LRRC1: variants seen among roughly 807,000 people sequenced by gnomAD.
The protein encoded by LRRC1 is leucine-rich repeat-containing protein 1.
In LRRC1, 28 loss-of-function variants were observed where a neutral mutation model predicts 69.9. That is an observed-to-expected ratio of 0.40 (90% confidence interval 0.30 to 0.55). LRRC1 has a LOEUF of 0.55. Among genes scored for constraint, LRRC1 ranks in the 20% least tolerant of loss-of-function variants. The pLI is 0.47. For missense variants in LRRC1, 498 were observed against 609.0 expected (o/e 0.82, Z 1.92); for synonymous variants, 236 against 240.2 (o/e 0.98, Z 0.16).
intron 2 of LRRC1, among the ~76,000 whole-genome samples, chr6:53,864,630 A>G (rs1581884177): frequency 6.6e-6 from 1 of 152,262 alleles, no homozygotes; most frequent in East Asian, 1.9e-4. Context: ...ATCTATCTCA[A>G]TACTTGTGGC....
chr6:53,896,807 C>T (rs1203238962), intron 5 of LRRC1, 22 bp from the exon 6 acceptor site: 1 of 1,511,616 alleles, frequency 6.6e-7, no homozygotes, highest in Non-Finnish European at 9.2e-7. Flanking sequence ...TCTAAGTGCT[C>T]TTTATTTATT....
At chr6:53,880,413 A>G (rs1767251619) in intron 3 of LRRC1, among the ~76,000 whole-genome samples, 2 of 152,148 alleles carry the variant, frequency 1.3e-5, no homozygotes, top group East Asian at 3.9e-4. Context: ...CTATAAGATA[A>G]AGTCAGAGCT....
chr6:53,906,945 A>G (rs959874155), intron 10 of LRRC1, among the ~76,000 whole-genome samples: 13 of 152,216 alleles, frequency 8.5e-5, no homozygotes, highest in Non-Finnish European at 1.9e-4. Context: ...CATGTCTCCA[A>G]TTCTCCCTCG....
chr6:53,859,433 A>G (rs1028961845), intron 2 of LRRC1, among the ~76,000 whole-genome samples: 1 of 152,220 alleles, frequency 6.6e-6, no homozygotes, highest in Admixed American at 6.5e-5. Context: ...AAGAAAATTC[A>G]TGCAACTCTA....
intron 4 of LRRC1, among the ~76,000 whole-genome samples, chr6:53,887,081 G>C (rs1238828730): frequency 6.6e-6 from 1 of 152,022 alleles, no homozygotes; most frequent in Non-Finnish European, 1.5e-5. Flanking sequence ...CTCAGGTTCT[G>C]GAAGATTTAT....
At chr6:53,909,999 C>T (rs937354114) in intron 10 of LRRC1, among the ~76,000 whole-genome samples, 2 of 152,134 alleles carry the variant, frequency 1.3e-5, no homozygotes, top group Admixed American at 1.3e-4. Context: ...CTCATGATCT[C>T]CTCCTTGGGT....
chr6:53,868,219 T>C (rs1766770727), intron 2 of LRRC1, among the ~76,000 whole-genome samples: 1 of 147,298 alleles, frequency 6.8e-6, no homozygotes, highest in African/African-American at 2.5e-5. Flanking sequence ...TTGGTAATGC[T>C]ACTCTTTTTT....
At chr6:53,906,681 G>C (rs1259280634) in intron 10 of LRRC1, among the ~76,000 whole-genome samples, 1 of 152,210 alleles carries the variant, frequency 6.6e-6, no homozygotes, top group Admixed American at 6.5e-5. Context: ...TACTAGAACA[G>C]TTTTTCATGA....
At chr6:53,797,120 C>T (rs1764323977) in intron 1 of LRRC1, among the ~76,000 whole-genome samples, 1 of 151,424 alleles carries the variant, frequency 6.6e-6, no homozygotes, top group South Asian at 2.1e-4. Flanking sequence ...GTGGGTTTTC[C>T]TGTAATGTTG....
intron 1 of LRRC1, among the ~76,000 whole-genome samples, chr6:53,818,173 T>G (rs9367542): frequency 0.63 from 95,145 of 152,076 alleles, 30,088 homozygotes; most frequent in East Asian, 0.9. Flanking sequence ...AATGCTTGTA[T>G]ACACACAGGC....
rs75877769 is a variant in LRRC1, at chr6:53,912,134, G to A, written c.991-1720G>A. On this transcript the variant is annotated intron_variant, in intron 10 of 13. Transcript: ENST00000370888. ...GTGGGCAGAGAGGCTATGCATGGTG[G>A]GTAGATAGCGTGAATACTATACTTG... is the stretch of plus-strand genomic sequence containing the variant. 2.0e-3 allele frequency among the ~76,000 whole-genome samples: 301 copies of A among 152,282 alleles called. 4 individuals carry two copies. The East Asian group carries it at 0.041, about 21-fold the overall frequency.
At position 53,795,393 on chromosome 6, in the gene LRRC1, A is replaced by G. The variant is rs746104594; in HGVS notation, c.137A>G (p.Asn46Ser). Residue 46 changes from asparagine to serine, a missense_variant, in exon 1 of 14, where the codon AAC becomes AGC. Physicochemically the swap from Asn to Ser is conservative, Grantham distance 46. Around this residue, in one of 3 missense-constraint regions of LRRC1, gnomAD observed 70 missense variants for 62.1 expected, o/e 1.13. Coordinates refer to ENST00000370888, the MANE Select transcript of LRRC1 (RefSeq NM_018214.5). ...RSLEELLLDA[N>S]QLRELPEQFF... Reference sequence around the variant, plus strand: ...CTGGAGGAGCTGCTGCTGGACGCCAACCAGCTCCGCGAGCTGCCCGAGGTA... The same window carrying G: ...CTGGAGGAGCTGCTGCTGGACGCCAGCCAGCTCCGCGAGCTGCCCGAGGTA... 4 of 1,613,006 alleles carry G rather than the reference A, an allele frequency of 2.5e-6. No individual in the cohort carries two copies. The highest frequency in any genetic ancestry group is 3.4e-6 in the Non-Finnish European group (4 of 1,179,910).
chr6:53,879,085 T>A lies in LRRC1; in HGVS notation c.356+14T>A, dbSNP rs764531379. On this transcript the variant is annotated intron_variant, in intron 3 of 13. Transcript: ENST00000370888. ...CCCACTGACTAGGTAAGCTTTCTGC[T>A]TACTTTTCTGTCTATACTAGTAAGA... is the stretch of plus-strand genomic sequence containing the variant. 1.9e-6 allele frequency: 3 copies of A among 1,595,492 alleles called. No individual in the cohort carries two copies. Among genetic ancestry groups the A allele is most frequent in the Non-Finnish European group, 2.6e-6 (3 of 1,164,268 alleles).
chr6:53,818,273 A>G (rs1765010050), intron 1 of LRRC1, among the ~76,000 whole-genome samples: 1 of 152,202 alleles, frequency 6.6e-6, no homozygotes, highest in Non-Finnish European at 1.5e-5. Flanking sequence ...GGTCTTATCT[A>G]TTAAAATTAA....
At chr6:53,848,762 C>CT (rs111478096) in intron 2 of LRRC1, among the ~76,000 whole-genome samples, 68,311 of 149,884 alleles carry the variant, frequency 0.46, 15,664 homozygotes, top group Middle Eastern at 0.54. Context: ...TTCTTTTACT[C>CT]TTTTTTTTTT....
chr6:53,839,825 T>C (rs1765715881), intron 1 of LRRC1, among the ~76,000 whole-genome samples: 1 of 152,194 alleles, frequency 6.6e-6, no homozygotes, highest in African/African-American at 2.4e-5. Flanking sequence ...TAACCCTCTT[T>C]CCTTTTGCTT....
chr6:53,860,658 C>T (rs967056973), intron 2 of LRRC1, among the ~76,000 whole-genome samples: 7 of 152,102 alleles, frequency 4.6e-5, no homozygotes, highest in African/African-American at 1.4e-4. Flanking sequence ...GCTTTTCATC[C>T]ATTTCCCACC....
At position 53,828,980 on chromosome 6, in the gene LRRC1, A is replaced by C. The variant is rs144709672; in HGVS notation, c.160-13130A>C. Among the ~76,000 whole-genome samples the C allele has an allele frequency of 8.1e-4, 124 of 152,352 alleles. 1 individual carries two copies. Among genetic ancestry groups the C allele is most frequent in the African/African-American group, 2.8e-3 (116 of 41,574 alleles). On this transcript the variant is annotated intron_variant, in intron 1 of 13. Coordinates refer to ENST00000370888, the MANE Select transcript of LRRC1 (RefSeq NM_018214.5). ...GGTATGTGGTGGTTTAATAGTAATAATTAAGGCTAACATATATTAAGCATT... is the reference window on the plus strand; with the variant it reads ...GGTATGTGGTGGTTTAATAGTAATACTTAAGGCTAACATATATTAAGCATT...
At chr6:53,831,265 A>G (rs973543539) in intron 1 of LRRC1, among the ~76,000 whole-genome samples, 14 of 152,268 alleles carry the variant, frequency 9.2e-5, no homozygotes, top group Non-Finnish European at 1.5e-4. Flanking sequence ...TCCAGTTCAC[A>G]TGACTTCTTT....
Sources: gnomAD v4.1 joint callset for allele counts (sites outside exome capture counted in the v4.1 genomes callset) on GRCh38, gnomAD v4.1.1 for gene constraint, gnomAD v4.1.1 regional missense constraint, MANE v1.5 for transcripts, NCBI Gene and HGNC (gene_info 2026-07-23, HGNC 2026-07-21) for gene names.